Variants in DLGAP5 observed in about 807,000 individuals in gnomAD.
DLGAP5 encodes disks large-associated protein 5.
Under a neutral mutation model 99.6 loss-of-function variants are expected in DLGAP5, and 90 were observed. The observed-to-expected ratio is 0.90, with a 90% CI of 0.76 to 1.08. The LOEUF (loss-of-function observed/expected upper bound fraction) is 1.08, where lower values mean the gene tolerates loss of function less well. Among genes scored for constraint, DLGAP5 ranks in the 50% least tolerant of loss-of-function variants. The probability of loss-of-function intolerance (pLI) is 0.00; values close to 1 mark genes in which losing one functional copy is unlikely to be tolerated. For synonymous variants in DLGAP5, 311 were observed against 321.3 expected (o/e 0.97, Z 0.34); for missense variants, 1,036 against 983.5 (o/e 1.05, Z -0.71).
Position 55,169,547 on chromosome 14 carries a change from A to G in DLGAP5, c.1400T>C (p.Ile467Thr). 3.8e-6 allele frequency: 6 copies of G among 1,587,064 alleles called. No individual in the cohort carries two copies. Among genetic ancestry groups the G allele is most frequent in the African/African-American group, 1.4e-5 (1 of 73,120 alleles). ...LDIPDDAKDL[I>T]RTAVGQTRLL... ...TCTTGTTTGACCAACTGCTGTGCGAATAAGATCTTTAGCTGAAGGAAATAA... is the reference window on the plus strand; with the variant it reads ...TCTTGTTTGACCAACTGCTGTGCGAGTAAGATCTTTAGCTGAAGGAAATAA... The change falls in exon 12 of 19, where the codon ATT (isoleucine) becomes ACT (threonine). Residue 467 changes from isoleucine to threonine, a missense_variant. Physicochemically the swap from Ile to Thr is moderately conservative, Grantham distance 89. Transcript: ENST00000247191.
intron 10 of DLGAP5, among the ~76,000 whole-genome samples, chr14:55,174,088 G>A (rs921416423): frequency 2.0e-5 from 3 of 152,344 alleles, no homozygotes; most frequent in Non-Finnish European, 2.9e-5. Flanking sequence ...GCAAATGGGA[G>A]AAATATCACT....
At chr14:55,152,727 G>T in intron 15 of DLGAP5, 80 bp from the exon 16 acceptor site, 5 of 1,207,760 alleles carry the variant, frequency 4.1e-6, no homozygotes, top group Non-Finnish European at 5.6e-6. Flanking sequence ...TTCCTTTAAT[G>T]ATGGCAATTA....
intron 7 of DLGAP5, among the ~76,000 whole-genome samples, chr14:55,178,875 C>T (rs1027595794): frequency 6.6e-5 from 10 of 152,130 alleles, no homozygotes; most frequent in South Asian, 2.1e-4. Flanking sequence ...GGTGAAACCT[C>T]GTCTCTACTA....
intron 11 of DLGAP5, among the ~76,000 whole-genome samples, chr14:55,170,462 C>T (rs1452664154): frequency 6.6e-6 from 1 of 152,104 alleles, no homozygotes; most frequent in Non-Finnish European, 1.5e-5. Flanking sequence ...AGTCAATATT[C>T]TAATTACTTA....
chr14:55,178,452 G>A (rs1276673725), intron 7 of DLGAP5, among the ~76,000 whole-genome samples: 1 of 152,184 alleles, frequency 6.6e-6, no homozygotes. Flanking sequence ...AAGTCAATTT[G>A]TTACTTGGTA....
intron 18 of DLGAP5, 189 bp from the exon 19 acceptor site, chr14:55,148,662 C>A (rs752442821): frequency 8.4e-7 from 1 of 1,192,254 alleles, no homozygotes; most frequent in Non-Finnish European, 1.2e-6. Context: ...AAGACCAGCC[C>A]GAGCAACATA....
intron 9 of DLGAP5, 98 bp downstream of exon 9, chr14:55,175,796 A>C: frequency 9.2e-7 from 1 of 1,087,098 alleles, no homozygotes; most frequent in Non-Finnish European, 1.3e-6. Flanking sequence ...ACAAGTAATA[A>C]TCCAGAAAAG....
intron 18 of DLGAP5, 49 bp from the exon 19 acceptor site, chr14:55,148,522 A>G (rs754688299): frequency 1.2e-6 from 2 of 1,613,008 alleles, no homozygotes; most frequent in Non-Finnish European, 8.5e-7. Context: ...CAAGAGTTTC[A>G]CCAATTAATT....
intron 11 of DLGAP5, 119 bp from the exon 12 acceptor site, chr14:55,169,678 C>T: frequency 1.3e-6 from 1 of 757,056 alleles, no homozygotes; most frequent in Non-Finnish European, 2.0e-6. Context: ...TTAAGCAAAA[C>T]AAAAAATATC....
chr14:55,158,720 C>T lies in DLGAP5; in HGVS notation c.1675G>A (p.Ala559Thr), dbSNP rs1048024748. 3.1e-6 allele frequency: 5 copies of T among 1,613,874 alleles called. No homozygotes were observed. Among genetic ancestry groups the T allele is most frequent in the East Asian group, 4.5e-5 (2 of 44,858 alleles). ...VFRKKVVSGI[A>T]SKPKQDDAGR... ...GCATCATCCTGTTTTGGTTTACTTG[C>T]TATACCTGAGACAACTTTTTTCTGC... The change falls in exon 14 of 19, where the codon GCA becomes ACA. Residue 559 changes from alanine (A) to threonine (T), a missense_variant. Ala to Thr is a moderately conservative substitution (Grantham distance 58). Coordinates refer to ENST00000247191, the MANE Select transcript of DLGAP5 (RefSeq NM_014750.5).
chr14:55,186,445 CAAGTAA>C, intron 2 of DLGAP5, among the ~76,000 whole-genome samples: 1 of 152,248 alleles, frequency 6.6e-6, no homozygotes. Context: ...AATCAAGAAC[CAAGTAA>C]GAGCAACACG....
intron 14 of DLGAP5, 68 bp downstream of exon 14, chr14:55,158,454 T>C (rs1882288440): frequency 1.5e-6 from 2 of 1,345,246 alleles, no homozygotes; most frequent in African/African-American, 1.5e-5. Context: ...AGCCCCCATC[T>C]ATCCCAAATA....
rs929906017 is a variant in DLGAP5, at chr14:55,169,862, C to T, written c.1388-303G>A. On this transcript the variant is annotated intron_variant, in intron 11 of 18. Coordinates refer to ENST00000247191, the MANE Select transcript of DLGAP5 (RefSeq NM_014750.5). ...GTGTGGTGGCTCATGCCTGCGGGCG[C>T]GGTGGCTCATGCCTACAATCCCAGC... Among the ~76,000 whole-genome samples the T allele has an allele frequency of 4.1e-4, 55 of 135,244 alleles. 2 individuals are homozygous for T. The highest frequency in any genetic ancestry group is 1.1e-3 in the African/African-American group (44 of 40,382). 88.7% of individuals were successfully genotyped at this position (135,244 alleles called of 152,430 possible). A position where few individuals can be genotyped will look rare whatever the true frequency, so the allele number is the denominator to read the frequency against.
At chr14:55,164,713 G>A (rs1336749710) in intron 12 of DLGAP5, among the ~76,000 whole-genome samples, 2 of 152,070 alleles carry the variant, frequency 1.3e-5, no homozygotes, top group Non-Finnish European at 2.9e-5. Context: ...CTTGAGGTCA[G>A]GAGTTCAAGA....
chr14:55,170,770 T>A lies in DLGAP5; in HGVS notation c.1319A>T (p.Glu440Val). The change falls in exon 11 of 19, where the codon GAA becomes GTA. Residue 440 changes from glutamate to valine, a missense_variant. Coordinates refer to ENST00000247191, the MANE Select transcript of DLGAP5 (RefSeq NM_014750.5). ...GCAATGTGAAGTTAATTTCTCAGTT[T>A]CTGACTGGAGGATATTTCTAAAATT... is the stretch of plus-strand genomic sequence containing the variant. ...VPYFRNILQS[E>V]TEKLTSHCFE... is the part of the protein sequence containing the mutation. 6.2e-7 allele frequency: 1 copy of A among 1,613,646 alleles called. No homozygotes were observed.
intron 18 of DLGAP5, among the ~76,000 whole-genome samples, chr14:55,149,191 T>A (rs1881925317): frequency 6.6e-6 from 1 of 152,244 alleles, no homozygotes; most frequent in Non-Finnish European, 1.5e-5. Flanking sequence ...ACTATTAAAA[T>A]ATTACGATTT....
chr14:55,163,035 A>G lies in DLGAP5; in HGVS notation c.1589T>C (p.Leu530Pro). ...VIHKFNNLIK[L>P]EESGWQVNNN... Reference sequence around the variant, plus strand: ...ATTGACTTGCCACCCAGATTCCTCAAGTTTGATCAGATTGTTGAATTTGTG... The same window carrying G: ...ATTGACTTGCCACCCAGATTCCTCAGGTTTGATCAGATTGTTGAATTTGTG... Residue 530 changes from leucine to proline, a missense_variant, in exon 13 of 19, where the codon CTT becomes CCT. By Grantham distance (98) the Leu-to-Pro change is moderately conservative. Transcript: ENST00000247191. 1.9e-6 allele frequency: 3 copies of G among 1,602,040 alleles called. No individual in the cohort carries two copies. Among genetic ancestry groups the G allele is most frequent in the Non-Finnish European group, 2.6e-6 (3 of 1,174,348 alleles).
intron 14 of DLGAP5, among the ~76,000 whole-genome samples, chr14:55,156,225 C>T (rs1350337099): frequency 6.6e-6 from 1 of 152,116 alleles, no homozygotes; most frequent in Non-Finnish European, 1.5e-5. Context: ...GGCTCAAAGT[C>T]AGTTTAAACA....
chr14:55,176,116 ATAGAAATGTTTC>A (rs1203939486), intron 8 of DLGAP5, 98 bp from the exon 9 acceptor site: 1 of 1,093,810 alleles, frequency 9.1e-7, no homozygotes, highest in Non-Finnish European at 1.3e-6. Context: ...CTGGGCTAAA[ATAGAAATGTTTC>A]TATTTTTTTA....
Sources: allele counts gnomAD v4.1 joint callset (sites outside exome capture counted in the v4.1 genomes callset), GRCh38; gene constraint gnomAD v4.1.1; transcripts MANE v1.5; gene names NCBI Gene and HGNC (gene_info 2026-07-23, HGNC 2026-07-21).